UBXN8: variants seen among roughly 807,000 people sequenced by gnomAD.
The protein encoded by UBXN8 is UBX domain protein 8.
Under a neutral mutation model 32.1 loss-of-function variants are expected in UBXN8, and 27 were observed. The observed-to-expected ratio is 0.84, with a 90% CI of 0.62 to 1.16. The LOEUF is 1.16. Among genes scored for constraint, UBXN8 ranks in the 50% most tolerant of loss-of-function variants. The pLI is 0.00. For missense variants in UBXN8, 306 were observed against 311.4 expected, an observed-to-expected ratio of 0.98 and a Z score of 0.13; for synonymous variants, 109 against 111.8, an observed-to-expected ratio of 0.98 and a Z score of 0.16.
chr8:30,754,097 G>A, intron 3 of UBXN8: 1 of 169,446 alleles, frequency 5.9e-6, no homozygotes, highest in Non-Finnish European at 1.3e-5. Flanking sequence ...AAAATTAGCT[G>A]GGCGTGGTGG....
At chr8:30,739,070 G>T (rs1805133389) in intron 1 of UBXN8, among the ~76,000 whole-genome samples, 1 of 150,716 alleles carries the variant, frequency 6.6e-6, no homozygotes, top group African/African-American at 2.4e-5. Flanking sequence ...TTAAGATGGA[G>T]GGGGAAAAAA....
At chr8:30,744,476 G>C (rs562112955) in intron 1 of UBXN8, 199 bp downstream of exon 1, 1 of 615,424 alleles carries the variant, frequency 1.6e-6, no homozygotes, top group South Asian at 1.9e-5. Context: ...ATGGTTTTAC[G>C]TGTAAGAGGG....
intron 6 of UBXN8, 28 bp from the exon 7 acceptor site, chr8:30,763,245 A>T: frequency 6.2e-7 from 1 of 1,607,326 alleles, no homozygotes; most frequent in Non-Finnish European, 8.5e-7. Flanking sequence ...AATGGATCGG[A>T]GTTCTTATGT....
At chr8:30,734,398 C>T (rs1187671291) in intron 1 of UBXN8, 1 of 151,780 alleles carries the variant, frequency 6.6e-6, no homozygotes, top group Non-Finnish European at 1.5e-5. Flanking sequence ...CAGGAAGACC[C>T]CTTAAGCCCA....
upstream of UBXN8, chr8:30,744,155 C>A: frequency 6.3e-7 from 1 of 1,598,938 alleles, no homozygotes; most frequent in South Asian, 1.1e-5. Flanking sequence ...CCGGAAGGGG[C>A]GGGCTTTCCG....
chr8:30,752,807 A>T (rs189105877), intron 2 of UBXN8, among the ~76,000 whole-genome samples: 144 of 152,356 alleles, frequency 9.5e-4, no homozygotes, highest in African/African-American at 3.3e-3. Flanking sequence ...AAATAAAAGG[A>T]AAGTGACCAG....
chr8:30,760,784 A>T (rs1805812385), intron 5 of UBXN8, 104 bp from the exon 6 acceptor site: 2 of 682,002 alleles, frequency 2.9e-6, no homozygotes, highest in Admixed American at 7.0e-5. Flanking sequence ...AGATATAAGT[A>T]AGCTTAGATG....
intron 1 of UBXN8, among the ~76,000 whole-genome samples, chr8:30,749,406 A>AAAAT (rs1554577902): frequency 0.022 from 2,536 of 114,454 alleles, 51 homozygotes; most frequent in Admixed American, 0.064. Context: ...AAAAAAAAAT[A>AAAAT]AAATAAATAA....
At chr8:30,748,370 A>G (rs956792450) in intron 1 of UBXN8, among the ~76,000 whole-genome samples, 3 of 151,458 alleles carry the variant, frequency 2.0e-5, no homozygotes, top group Non-Finnish European at 2.9e-5. Flanking sequence ...GGAGGCTGAC[A>G]TGGGACGACT....
chr8:30,754,956 G>GCT (rs1805613833), intron 4 of UBXN8, among the ~76,000 whole-genome samples, 169 bp downstream of exon 4: 1 of 129,662 alleles, frequency 7.7e-6, no homozygotes, highest in African/African-American at 2.9e-5. Flanking sequence ...GGGGTTGGTC[G>GCT]TTTTTTTTTT....
rs1265330135 is a variant in UBXN8, at chr8:30,766,582, GCC to G, written c.*189_*190del. ...CTATATATAATAATCTGTGGACTGT[GCC>G]ATTTTACAGTGTACCAAATGAGAAT... is the stretch of plus-strand genomic sequence containing the variant. On this transcript the variant is annotated 3_prime_UTR_variant, in exon 8 of 8. Coordinates refer to ENST00000265616, the MANE Select transcript of UBXN8 (RefSeq NM_005671.4). 3 of 463,194 alleles carry G rather than the reference GCC, an allele frequency of 6.5e-6. No individual in the cohort carries two copies. Among genetic ancestry groups the G allele is most frequent in the African/African-American group, 5.9e-5 (3 of 51,194 alleles). The allele number at this position is 463,194 out of a possible 1,614,324, so 28.7% of individuals were successfully genotyped here. A position where few individuals can be genotyped will look rare whatever the true frequency, so the allele number is the denominator to read the frequency against.
At chr8:30,762,915 G>A (rs968304832) in intron 6 of UBXN8, among the ~76,000 whole-genome samples, 7 of 151,710 alleles carry the variant, frequency 4.6e-5, no homozygotes, top group African/African-American at 1.7e-4. Flanking sequence ...TGTCATCCAG[G>A]CTGGGTGCAG....
intron 1 of UBXN8, among the ~76,000 whole-genome samples, chr8:30,745,840 C>G (rs1422002529): frequency 2.6e-5 from 4 of 152,242 alleles, no homozygotes; most frequent in Non-Finnish European, 4.4e-5. Flanking sequence ...CCTGGACTTC[C>G]CGGCTCAAGT....
chr8:30,744,410 G>GC (rs1026011113), intron 1 of UBXN8, 133 bp downstream of exon 1: 100 of 826,754 alleles, frequency 1.2e-4, no homozygotes, highest in East Asian at 4.0e-4. Flanking sequence ...CATCGCCCCT[G>GC]CCCCCCCACT....
upstream of UBXN8, among the ~76,000 whole-genome samples, chr8:30,730,031 A>C (rs1470825085): frequency 6.6e-6 from 1 of 152,170 alleles, no homozygotes; most frequent in East Asian, 1.9e-4. Context: ...AGATGGCAAA[A>C]GTCATCCCAG....
chr8:30,765,210 G>T (rs1020027426), intron 7 of UBXN8, among the ~76,000 whole-genome samples: 1 of 152,004 alleles, frequency 6.6e-6, no homozygotes, highest in African/African-American at 2.4e-5. Flanking sequence ...ACTGTGCCTG[G>T]CCATCATAAC....
rs575325917 is a variant in UBXN8, at chr8:30,757,838, C to T, written c.528+951C>T. Among the ~76,000 whole-genome samples the T allele has an allele frequency of 8.4e-5, 12 of 142,778 alleles. 1 individual carries two copies. In the South Asian group the frequency reaches 1.1e-3, roughly 13 times the overall value. The allele number at this position is 142,778 out of a possible 152,430, so 93.7% of individuals were successfully genotyped here. Reference sequence around the variant, plus strand: ...TTGCGCCACTGCACTCCAGCCTGCGCGACAGAGTGAGACTCCGTCTCAAAA... The same window carrying T: ...TTGCGCCACTGCACTCCAGCCTGCGTGACAGAGTGAGACTCCGTCTCAAAA... On this transcript the variant is annotated intron_variant, in intron 5 of 7. Transcript: ENST00000265616.
intron 1 of UBXN8, among the ~76,000 whole-genome samples, chr8:30,748,311 A>AAT (rs1029693878): frequency 2.4e-4 from 36 of 150,956 alleles, no homozygotes; most frequent in Admixed American, 1.5e-3. Context: ...ATTTGGAAAA[A>AAT]ATATATATAT....
At chr8:30,762,184 G>A (rs1341396829) in intron 6 of UBXN8, among the ~76,000 whole-genome samples, 3 of 150,448 alleles carry the variant, frequency 2.0e-5, no homozygotes, top group Admixed American at 1.3e-4. Flanking sequence ...CTACCTTAGC[G>A]TCCCAAGTAA....
Sources: allele counts gnomAD v4.1 joint callset (sites outside exome capture counted in the v4.1 genomes callset), GRCh38; gene constraint gnomAD v4.1.1; transcripts MANE v1.5; gene names NCBI Gene and HGNC (gene_info 2026-07-23, HGNC 2026-07-21).